PROM2: variants seen among roughly 807,000 people sequenced by gnomAD.
The protein encoded by PROM2 is prominin 2.
Under a neutral mutation model 110.2 loss-of-function variants are expected in PROM2, and 90 were observed. That is an observed-to-expected ratio of 0.82 (90% CI 0.69 to 0.97). The LOEUF is 0.97. Ranked by LOEUF, PROM2 falls within the 50% of genes least tolerant of loss-of-function variation. The pLI is 0.00. For missense variants in PROM2, 1,009 were observed against 1,074.8 expected, an observed-to-expected ratio of 0.94 and a Z score of 0.86; for synonymous variants, 470 against 467.8, an observed-to-expected ratio of 1.00 and a Z score of -0.06.
intron 6 of PROM2, 40 bp from the exon 7 acceptor site, chr2:95,277,324 A>G (rs1676729482): frequency 6.4e-7 from 1 of 1,566,604 alleles, no homozygotes; most frequent in Non-Finnish European, 8.7e-7. Flanking sequence ...CTGGGGATGC[A>G]TATGGTGGAC....
At position 95,290,320 on chromosome 2, in the gene PROM2, A is replaced by T. The variant is rs1221699425; in HGVS notation, c.*1107A>T. The T allele has an allele frequency of 7.2e-5, 11 of 152,234 alleles. No homozygotes were observed. Among genetic ancestry groups the T allele is most frequent in the Admixed American group, 7.2e-4 (11 of 15,286 alleles). The allele number at this position is 152,234 out of a possible 1,614,324, so 9.4% of individuals were successfully genotyped here. A position where few individuals can be genotyped will look rare whatever the true frequency, so the allele number is the denominator to read the frequency against. On this transcript the variant is annotated 3_prime_UTR_variant, in exon 24 of 24. Transcript: ENST00000317620. ...ATTAAAGTGTTCTCACTTCCCTGAG[A>T]CTTGGTTCTGGGTCCTTAAAACCAG... is the stretch of plus-strand genomic sequence containing the variant.
Position 95,286,994 on chromosome 2 carries a change from G to A in PROM2, c.2094+137G>A, listed in dbSNP as rs902127399. The stretch of plus-strand genomic sequence containing the variant: ...GGTTGGGAGGAAGATGGGGGTGGCA[G>A]CAGAGCCTGGGGGATCACCACCCTT... On this transcript the variant is annotated intron_variant, in intron 18 of 23. Transcript: ENST00000317620. 1.4e-5 allele frequency: 18 copies of A among 1,264,198 alleles called. No individual in the cohort carries two copies. In the African/African-American group the frequency reaches 1.6e-4, roughly 11 times the overall value. 78.3% of individuals were successfully genotyped at this position (1,264,198 alleles called of 1,614,324 possible).
chr2:95,275,800 G>C lies in PROM2; in HGVS notation c.295-130G>C. 1.3e-6 allele frequency: 2 copies of C among 1,500,316 alleles called. No individual in the cohort carries two copies. The highest frequency in any genetic ancestry group is 2.5e-5 in the East Asian group (1 of 40,558). 92.9% of individuals were successfully genotyped at this position (1,500,316 alleles called of 1,614,324 possible). On this transcript the variant is annotated intron_variant, in intron 2 of 23. Coordinates refer to ENST00000317620, the MANE Select transcript of PROM2 (RefSeq NM_001165978.3). The surrounding 1 kb of genome is among the most constrained non-coding windows in gnomAD (Gnocchi z 4.4). Reference sequence around the variant, plus strand: ...GTAAGAATGCGGTCACCTCTGGGACGGGTTCCATGAGATGCAGGCCATGCC... The same window carrying C: ...GTAAGAATGCGGTCACCTCTGGGACCGGTTCCATGAGATGCAGGCCATGCC...
Position 95,287,311 on chromosome 2 carries a change from G to A in PROM2, c.2176-85G>A, listed in dbSNP as rs1040716958. ...CCAGGAAAGCTGGGCCTGTCCTCAA[G>A]TTGCCAGGCATGGGGGGTGGCGTGG... On this transcript the variant is annotated intron_variant, in intron 19 of 23. Coordinates refer to ENST00000317620, the MANE Select transcript of PROM2 (RefSeq NM_001165978.3). 2.8e-5 allele frequency: 44 copies of A among 1,571,290 alleles called. No individual in the cohort carries two copies. In the African/African-American group the frequency reaches 5.7e-4, roughly 20 times the overall value.
chr2:95,288,241 C>G lies in PROM2; in HGVS notation c.2275C>G (p.Leu759Val). ...TCAGCGCATTGCCACCTGCCAGCCC[C>G]TCTCCGGAGCCCTGGACAACAGCCG... ...VTQRIATCQP[L>V]SGALDNSRVI... The change falls in exon 21 of 24, where the codon CTC becomes GTC. Residue 759 changes from leucine (L) to valine (V), a missense_variant. By Grantham distance (32) the Leu-to-Val change is conservative. Coordinates refer to ENST00000317620, the MANE Select transcript of PROM2 (RefSeq NM_001165978.3). 1 of 1,614,028 alleles carries G rather than the reference C, an allele frequency of 6.2e-7. No homozygotes were observed. The highest frequency in any genetic ancestry group is 1.1e-5 in the South Asian group (1 of 91,082).
chr2:95,286,600 G>A, intron 17 of PROM2, 29 bp downstream of exon 17: 1 of 1,596,266 alleles, frequency 6.3e-7, no homozygotes, highest in Non-Finnish European at 8.6e-7. Context: ...GGAGCCTGGG[G>A]CCTGGGGGAG....
intron 23 of PROM2, 102 bp from the exon 24 acceptor site, chr2:95,289,122 T>C (rs1677555280): frequency 3.7e-6 from 3 of 814,638 alleles, no homozygotes; most frequent in Non-Finnish European, 6.2e-6. Context: ...CTTGGGGACA[T>C]GGTGGAGTCT....
chr2:95,288,333 C>G (rs1677500673), intron 21 of PROM2, 33 bp downstream of exon 21: 1 of 1,610,842 alleles, frequency 6.2e-7, no homozygotes, highest in Non-Finnish European at 8.5e-7. Context: ...GCTTGTTCAC[C>G]AAGTCCCGGA....
chr2:95,281,918 T>C lies in PROM2; in HGVS notation c.1552-7T>C, dbSNP rs1558745702. The C allele has an allele frequency of 6.2e-7, 1 of 1,612,210 alleles. No individual in the cohort carries two copies. Among genetic ancestry groups the C allele is most frequent in the Admixed American group, 1.7e-5 (1 of 59,992 alleles). ...TCTGTGCCCATTTCTCACTGCCCCATCCCCAGTTTGCAGACACCCCAGGGA... is the reference window on the plus strand; with the variant it reads ...TCTGTGCCCATTTCTCACTGCCCCACCCCCAGTTTGCAGACACCCCAGGGA... On this transcript the variant is annotated splice_polypyrimidine_tract_variant and splice_region_variant and intron_variant, in intron 12 of 23. Transcript: ENST00000317620.
intron 10 of PROM2, among the ~76,000 whole-genome samples, chr2:95,279,583 C>G (rs1449780262): frequency 2.6e-5 from 4 of 152,180 alleles, no homozygotes; most frequent in Admixed American, 2.6e-4. Flanking sequence ...GCCTTAGCCA[C>G]CGCGCCCGGC....
Position 95,287,592 on chromosome 2 carries a change from C to T in PROM2, c.2244+128C>T. 3.5e-6 allele frequency: 3 copies of T among 865,298 alleles called. No homozygotes were observed. In the South Asian group the frequency reaches 5.1e-5, roughly 15 times the overall value. 53.6% of individuals were successfully genotyped at this position (865,298 alleles called of 1,614,324 possible). On this transcript the variant is annotated intron_variant, in intron 20 of 23. Coordinates refer to ENST00000317620, the MANE Select transcript of PROM2 (RefSeq NM_001165978.3). ...CCAGGCCTTCAGGATCAAACCCAAA[C>T]TCCCAAACCTGGCATCTGCACCCCT...
At chr2:95,278,237 G>A (rs1573448560) in intron 8 of PROM2, 1 of 589,514 alleles carries the variant, frequency 1.7e-6, no homozygotes, top group East Asian at 2.8e-5. Context: ...AGGGAGCAGT[G>A]CTCAGTCTGA....
At position 95,289,005 on chromosome 2, in the gene PROM2, G is replaced by A; in HGVS notation, c.*9G>A. The A allele has an allele frequency of 1.9e-6, 3 of 1,613,350 alleles. No individual in the cohort carries two copies. Among genetic ancestry groups the A allele is most frequent in the Non-Finnish European group, 2.5e-6 (3 of 1,179,284 alleles). On this transcript the variant is annotated splice_region_variant and 3_prime_UTR_variant, in exon 23 of 24. Transcript: ENST00000317620. The stretch of plus-strand genomic sequence containing the variant: ...CCTCCCTGAAGCTGTAGGGCCTTGT[G>A]GGTGAGTTTTCCCCAACTCGCTTAA...
intron 14 of PROM2, among the ~76,000 whole-genome samples, chr2:95,283,426 G>A (rs1216263161): frequency 2.0e-5 from 3 of 152,258 alleles, no homozygotes; most frequent in African/African-American, 7.2e-5. Context: ...ACACTGATGG[G>A]TAGGCAGACA....
Position 95,276,896 on chromosome 2 carries a change from G to A in PROM2, c.683-76G>A, listed in dbSNP as rs1408467004. 72 of 1,461,808 alleles carry A rather than the reference G, an allele frequency of 4.9e-5. No individual in the cohort carries two copies. Among genetic ancestry groups the A allele is most frequent in the Admixed American group, 3.9e-5 (2 of 50,712 alleles). 90.6% of individuals were successfully genotyped at this position (1,461,808 alleles called of 1,614,324 possible). A position where few individuals can be genotyped will look rare whatever the true frequency, so the allele number is the denominator to read the frequency against. ...GCTCCTGCAGAGCCCGGTGGGGCCT[G>A]GGGAGGCAGGATGGGAATGGGGAGG... On this transcript the variant is annotated intron_variant, in intron 5 of 23. Transcript: ENST00000317620. This position sits in a 1 kb window ranked among gnomAD's most constrained non-coding sequence, Gnocchi z 4.6.
chr2:95,284,475 A>T (rs1677225176), intron 14 of PROM2, among the ~76,000 whole-genome samples: 1 of 151,852 alleles, frequency 6.6e-6, no homozygotes, highest in Non-Finnish European at 1.5e-5. Flanking sequence ...TGGGCAACAG[A>T]GCAAGACCCT....
At chr2:95,288,083 TGCG>T in intron 20 of PROM2, 125 bp from the exon 21 acceptor site, 1 of 802,414 alleles carries the variant, frequency 1.2e-6, no homozygotes. Flanking sequence ...TATACAAGTG[TGCG>T]GTGGCCCCAA....
At chr2:95,284,834 C>A in intron 14 of PROM2, 135 bp from the exon 15 acceptor site, 1 of 1,032,186 alleles carries the variant, frequency 9.7e-7, no homozygotes, top group Non-Finnish European at 1.4e-6. Context: ...CACCGGGGAT[C>A]ACATTGCAAC....
rs1236288975 is a variant in PROM2 at position 95,287,178 on chromosome 2, G to A, written c.2140G>A (p.Glu714Lys). Reference sequence around the variant, plus strand: ...AGCCAATGTCACCTACCTGAAAGGAGAGCTGCCTGCCTGGGCAGCCAGGAT... The same window carrying A: ...AGCCAATGTCACCTACCTGAAAGGAAAGCTGCCTGCCTGGGCAGCCAGGAT... ...VLANVTYLKG[E>K]LPAWAARILR... Residue 714 changes from glutamate (E) to lysine (K), a missense_variant, in exon 19 of 24, where the codon GAG (glutamate) becomes AAG (lysine). Transcript: ENST00000317620. 1 of 1,614,014 alleles carries A rather than the reference G, an allele frequency of 6.2e-7. No individual in the cohort carries two copies. Among genetic ancestry groups the A allele is most frequent in the East Asian group, 2.2e-5 (1 of 44,872 alleles).
Sources: gnomAD v4.1 joint callset for allele counts (sites outside exome capture counted in the v4.1 genomes callset) on GRCh38, gnomAD v4.1.1 for gene constraint, Gnocchi (gnomAD v3.1) non-coding constraint, MANE v1.5 for transcripts, NCBI Gene and HGNC (gene_info 2026-07-23, HGNC 2026-07-21) for gene names.